Variants in CSMD1 observed in about 807,000 individuals in gnomAD.
CSMD1 encodes CUB and sushi domain-containing protein 1.
CSMD1 carries 213 observed loss-of-function variants against 417.5 expected under a neutral mutation model. The ratio of observed to expected loss-of-function variants is 0.51; its 90% CI spans 0.46 to 0.57. The LOEUF (loss-of-function observed/expected upper bound fraction) is 0.57, where lower values mean the gene tolerates loss of function less well. CSMD1 is among the 20% of genes least tolerant of loss of function. The pLI, the probability that CSMD1 is intolerant of heterozygous loss-of-function variation, is 0.00. For missense variants in CSMD1, 6,923 were observed against 4,529.7 expected, an observed-to-expected ratio of 1.53 and a Z score of -15.17; for synonymous variants, 2,862 against 1,736.8, an observed-to-expected ratio of 1.65 and a Z score of -16.11.
At position 3,963,699 on chromosome 8, in the gene CSMD1, C is replaced by A. The variant is rs1442343469; in HGVS notation, c.818+34204G>T. ...TGTGTAAGTGAATATACATAGATTT[C>A]ATCGTAGACAAACTGCAATAATTTT... On this transcript the variant is annotated intron_variant, in intron 5 of 69. Transcript: ENST00000635120. Among the ~76,000 whole-genome samples, 3 of 152,118 alleles carry A rather than the reference C, an allele frequency of 2.0e-5. No homozygotes were observed. The East Asian group carries it at 5.8e-4, about 29-fold the overall frequency.
At chr8:3,502,035 T>C (rs1475970927) in intron 10 of CSMD1, among the ~76,000 whole-genome samples, 1 of 152,194 alleles carries the variant, frequency 6.6e-6, no homozygotes, top group African/African-American at 2.4e-5. Context: ...TAACCAACTA[T>C]ATGCTTATCA....
At chr8:4,411,635 A>G (rs1200470223) in intron 3 of CSMD1, among the ~76,000 whole-genome samples, 1 of 152,060 alleles carries the variant, frequency 6.6e-6, no homozygotes, top group Non-Finnish European at 1.5e-5. Context: ...TGCTCATTCC[A>G]TTCTTCTCAA....
At position 2,998,090 on chromosome 8, in the gene CSMD1, C is replaced by T. The variant is rs765938760; in HGVS notation, c.8298G>A (p.Thr2766=). ...GAGACACGCCCTGCAGCAAATAGCC[C>T]GTGTTGCAGGTGAAATTCACGACAT... The part of the protein sequence containing the change: ...LNDVVNFTCN[T]GYLLQGVSRA... The change falls in exon 54 of 70, where the codon ACG becomes ACA. Residue 2766 remains threonine, a synonymous_variant. Transcript: ENST00000635120. 16 of 1,613,878 alleles carry T rather than the reference C, an allele frequency of 9.9e-6. No homozygotes were observed. In the East Asian group the frequency reaches 1.1e-4, roughly 11 times the overall value.
chr8:4,819,547 A>C (rs1799401848), intron 1 of CSMD1, among the ~76,000 whole-genome samples: 1 of 152,186 alleles, frequency 6.6e-6, no homozygotes, highest in Admixed American at 6.5e-5. Flanking sequence ...AGAATCTCAA[A>C]TTTTGATGAC....
intron 2 of CSMD1, among the ~76,000 whole-genome samples, chr8:4,561,361 A>G (rs1307281279): frequency 6.6e-6 from 1 of 152,196 alleles, no homozygotes. Flanking sequence ...TGACAGAATG[A>G]GACTCCATCT....
At chr8:3,920,888 G>A (rs575804053) in intron 5 of CSMD1, among the ~76,000 whole-genome samples, 1 of 152,156 alleles carries the variant, frequency 6.6e-6, no homozygotes, top group African/African-American at 2.4e-5. Context: ...GTTTTGTTGA[G>A]AATTTTTGCA....
intron 3 of CSMD1, among the ~76,000 whole-genome samples, chr8:4,375,758 T>G (rs778579206): frequency 1.3e-5 from 2 of 152,188 alleles, no homozygotes; most frequent in Non-Finnish European, 2.9e-5. Flanking sequence ...TGCCCTGCCC[T>G]GTCTTTGTAC....
intron 2 of CSMD1, among the ~76,000 whole-genome samples, chr8:4,457,219 A>T (rs1195177348): frequency 1.3e-5 from 2 of 151,842 alleles, no homozygotes; most frequent in Non-Finnish European, 2.9e-5. Context: ...GGAAGGGGGG[A>T]ACTCATCTTT....
At chr8:4,099,491 G>A (rs1801195268) in intron 3 of CSMD1, among the ~76,000 whole-genome samples, 1 of 152,036 alleles carries the variant, frequency 6.6e-6, no homozygotes, top group Admixed American at 6.6e-5. Flanking sequence ...GCTCCTTCCA[G>A]CCTTCAATGC....
At chr8:4,030,831 T>A (rs192776788) in intron 4 of CSMD1, among the ~76,000 whole-genome samples, 1 of 152,238 alleles carries the variant, frequency 6.6e-6, no homozygotes, top group African/African-American at 2.4e-5. Context: ...AAGACACCTC[T>A]TGAATGCTTT....
chr8:4,610,601 A>G (rs1270247263), intron 2 of CSMD1, among the ~76,000 whole-genome samples: 3 of 152,136 alleles, frequency 2.0e-5, no homozygotes, highest in Non-Finnish European at 4.4e-5. Flanking sequence ...TAAATATCTG[A>G]TGGCTGAGTT....
At chr8:4,101,497 A>T (rs1215581256) in intron 3 of CSMD1, among the ~76,000 whole-genome samples, 1 of 152,086 alleles carries the variant, frequency 6.6e-6, no homozygotes, top group Non-Finnish European at 1.5e-5. Context: ...GTCCTCAGTC[A>T]CCCTGCAGTC....
intron 1 of CSMD1, among the ~76,000 whole-genome samples, chr8:4,795,293 A>T (rs1318898690): frequency 3.2e-4 from 17 of 53,622 alleles, no homozygotes; most frequent in East Asian, 7.0e-4. Flanking sequence ...TTTTTTTGAG[A>T]TGGAGTCCTG....
intron 3 of CSMD1, among the ~76,000 whole-genome samples, chr8:4,112,062 G>A (rs1801885181): frequency 6.6e-6 from 1 of 152,092 alleles, no homozygotes; most frequent in Non-Finnish European, 1.5e-5. Context: ...TTGCAATTTT[G>A]TCTGAGGCTA....
At chr8:4,286,698 A>T (rs1797074118) in intron 3 of CSMD1, among the ~76,000 whole-genome samples, 1 of 152,200 alleles carries the variant, frequency 6.6e-6, no homozygotes, top group Non-Finnish European at 1.5e-5. Flanking sequence ...TGGAAATCAA[A>T]CAAGAGAATG....
Position 4,797,780 on chromosome 8 carries a change from C to T in CSMD1, c.86-160222G>A, listed in dbSNP as rs547241915. Reference sequence around the variant, plus strand: ...AACTTTTATAAATGCTGAGACTAATCATTCAGAGAAATTTAAAAATACTTG... The same window carrying T: ...AACTTTTATAAATGCTGAGACTAATTATTCAGAGAAATTTAAAAATACTTG... On this transcript the variant is annotated intron_variant, in intron 1 of 69. Coordinates refer to ENST00000635120, the MANE Select transcript of CSMD1 (RefSeq NM_033225.6). 5.9e-5 allele frequency among the ~76,000 whole-genome samples: 9 copies of T among 152,246 alleles called. No homozygotes were observed. In the South Asian group the frequency reaches 1.9e-3, roughly 32 times the overall value.
intron 2 of CSMD1, among the ~76,000 whole-genome samples, chr8:4,452,181 G>C (rs903239654): frequency 1.3e-5 from 2 of 151,926 alleles, no homozygotes; most frequent in Admixed American, 1.3e-4. Flanking sequence ...CCTTCTCTTC[G>C]CTTAGTGCAC....
intron 1 of CSMD1, among the ~76,000 whole-genome samples, chr8:4,764,685 A>T (rs1422054433): frequency 5.6e-5 from 4 of 70,930 alleles, no homozygotes; most frequent in Non-Finnish European, 9.1e-5. Flanking sequence ...AAAATTTGTT[A>T]AAAAAAAAAA....
chr8:3,508,530 A>AT lies in CSMD1; in HGVS notation c.1345-14805dup, dbSNP rs543064215. ...ATAAAAAAAAAAGAAAAAATAGAAT[A>AT]TTTTTTAAAGAAATACTAAACACTA... On this transcript the variant is annotated intron_variant, in intron 10 of 69. Coordinates refer to ENST00000635120, the MANE Select transcript of CSMD1 (RefSeq NM_033225.6). Among the ~76,000 whole-genome samples, 96 of 152,202 alleles carry AT rather than the reference A, an allele frequency of 6.3e-4. 3 individuals are homozygous for AT. The South Asian group carries it at 0.019, about 30-fold the overall frequency.
Sources: gnomAD v4.1 joint callset for allele counts (sites outside exome capture counted in the v4.1 genomes callset) on GRCh38, gnomAD v4.1.1 for gene constraint, MANE v1.5 for transcripts, NCBI Gene and HGNC (gene_info 2026-07-23, HGNC 2026-07-21) for gene names.